KSR1: variants seen among roughly 807,000 people sequenced by gnomAD.
The protein encoded by KSR1 is kinase suppressor of ras 1.
In KSR1, 35 loss-of-function variants were observed where a neutral mutation model predicts 92.9. That is an observed-to-expected ratio of 0.38 (90% CI 0.29 to 0.50). The LOEUF is 0.50. Among genes scored for constraint, KSR1 ranks in the 20% least tolerant of loss-of-function variants. The pLI is 0.94. For missense variants in KSR1, 972 were observed against 1,158.5 expected, an observed-to-expected ratio of 0.84 and a Z score of 2.34; for synonymous variants, 467 against 472.6, an observed-to-expected ratio of 0.99 and a Z score of 0.15.
intron 14 of KSR1, among the ~76,000 whole-genome samples, chr17:27,607,525 G>A (rs2073793098): frequency 6.6e-6 from 1 of 152,152 alleles, no homozygotes; most frequent in African/African-American, 2.4e-5. Flanking sequence ...TTGACAGTGA[G>A]CCCCAGAGCC....
At chr17:27,497,475 A>G (rs1468347030) in intron 1 of KSR1, among the ~76,000 whole-genome samples, 1 of 152,220 alleles carries the variant, frequency 6.6e-6, no homozygotes, top group African/African-American at 2.4e-5. Context: ...CAGTCCTTGA[A>G]TGGCCTCTAG....
chr17:27,588,260 G>A (rs989168290), intron 5 of KSR1: 2 of 368,670 alleles, frequency 5.4e-6, no homozygotes, highest in South Asian at 6.6e-5. Context: ...GAGGCCAGGA[G>A]CAAGCTAGAG....
At chr17:27,501,109 C>T (rs1162279544) in intron 1 of KSR1, among the ~76,000 whole-genome samples, 1 of 152,240 alleles carries the variant, frequency 6.6e-6, no homozygotes, top group Admixed American at 6.5e-5. Context: ...AAGGCCTGAG[C>T]CCTTCACTTT....
intron 1 of KSR1, among the ~76,000 whole-genome samples, chr17:27,489,884 C>T (rs931533234): frequency 1.3e-5 from 2 of 152,304 alleles, no homozygotes; most frequent in African/African-American, 2.4e-5. Flanking sequence ...GCTGCGTTCT[C>T]AAAAATGACA....
At position 27,473,443 on chromosome 17, in the gene KSR1, A is replaced by G. The variant is rs571768119; in HGVS notation, c.231+16569A>G. Among the ~76,000 whole-genome samples the G allele has an allele frequency of 3.3e-5, 5 of 152,330 alleles. No homozygotes were observed. The East Asian group carries it at 9.6e-4, about 29-fold the overall frequency. On this transcript the variant is annotated intron_variant, in intron 1 of 20. Transcript: ENST00000644974. ...TGGGGATCTGGATTAACAGGTGGCCATTCGCAGAAAGGAGGCTGCAAAGCA... is the reference window on the plus strand; with the variant it reads ...TGGGGATCTGGATTAACAGGTGGCCGTTCGCAGAAAGGAGGCTGCAAAGCA...
chr17:27,589,996 CTG>C (rs1350342164), intron 6 of KSR1, among the ~76,000 whole-genome samples: 1 of 152,182 alleles, frequency 6.6e-6, no homozygotes, highest in Non-Finnish European at 1.5e-5. Flanking sequence ...ATCCTATACT[CTG>C]TTTTTTCAAA....
At chr17:27,565,590 T>G (rs1305656990) in intron 2 of KSR1, among the ~76,000 whole-genome samples, 1 of 152,068 alleles carries the variant, frequency 6.6e-6, no homozygotes, top group Non-Finnish European at 1.5e-5. Flanking sequence ...AGCAGGCTAA[T>G]TTTTTTGTAT....
intron 1 of KSR1, among the ~76,000 whole-genome samples, chr17:27,530,003 C>T (rs576929078): frequency 9.9e-5 from 15 of 152,248 alleles, no homozygotes; most frequent in Middle Eastern, 3.4e-3. Context: ...AGTGGGTACT[C>T]GATACTCTTG....
intron 1 of KSR1, among the ~76,000 whole-genome samples, chr17:27,546,894 A>G (rs1288188460): frequency 6.6e-6 from 1 of 152,032 alleles, no homozygotes; most frequent in Admixed American, 6.5e-5. Flanking sequence ...CAGCAAGTAG[A>G]CTCAGAGTCC....
chr17:27,600,605 T>C (rs927980874), intron 10 of KSR1, among the ~76,000 whole-genome samples: 3 of 152,216 alleles, frequency 2.0e-5, no homozygotes, highest in Non-Finnish European at 4.4e-5. Flanking sequence ...CCGTGGATTA[T>C]TTCCCGCCAG....
Position 27,582,809 on chromosome 17 carries a change from C to A in KSR1, c.684C>A (p.Ile228=), listed in dbSNP as rs773403038. The A allele has an allele frequency of 7.3e-5, 117 of 1,613,520 alleles. No homozygotes were observed. Among genetic ancestry groups the A allele is most frequent in the Non-Finnish European group, 5.0e-5 (59 of 1,179,732 alleles). The change falls in exon 4 of 21, where the codon ATC becomes ATA. Residue 228 remains isoleucine, a synonymous_variant. Transcript: ENST00000644974. ...AGNSAQGPRS[I]SVSALPASDS... ...ACAGCGCCCAGGGCCCACGCTCCAT[C>A]TCCGTGTCAGCTCTGCCCGCCTCAG... is the stretch of plus-strand genomic sequence containing the variant.
chr17:27,526,070 C>CTCTTTCTTTCTTTCTT (rs1555576389), intron 1 of KSR1, among the ~76,000 whole-genome samples: 1,201 of 81,260 alleles, frequency 0.015, 34 homozygotes, highest in Non-Finnish European at 0.019. Flanking sequence ...CTCTTTCTTT[C>CTCTTTCTTTCTTTCTT]TCTTTCTTTC....
intron 18 of KSR1, 94 bp downstream of exon 18, chr17:27,611,723 G>A (rs1349404401): frequency 2.0e-6 from 3 of 1,475,510 alleles, no homozygotes; most frequent in Non-Finnish European, 2.8e-6. Flanking sequence ...TGAGAAATGG[G>A]GTCGGTGAGG....
chr17:27,474,109 CT>C (rs1217393438), intron 1 of KSR1, among the ~76,000 whole-genome samples: 2 of 152,226 alleles, frequency 1.3e-5, no homozygotes, highest in African/African-American at 4.8e-5. Flanking sequence ...TTTGACTATT[CT>C]TAGAAGAAGA....
intron 1 of KSR1, among the ~76,000 whole-genome samples, chr17:27,462,796 G>T (rs1286544625): frequency 6.6e-6 from 1 of 152,174 alleles, no homozygotes; most frequent in African/African-American, 2.4e-5. Flanking sequence ...GTTAATTCCA[G>T]TGCACATTTT....
intron 2 of KSR1, among the ~76,000 whole-genome samples, chr17:27,568,469 C>T (rs1180230667): frequency 1.3e-5 from 2 of 152,284 alleles, no homozygotes; most frequent in African/African-American, 4.8e-5. Flanking sequence ...AGGGCCCTCA[C>T]TGGCTGAATT....
chr17:27,541,130 G>A (rs1206676081), intron 1 of KSR1, among the ~76,000 whole-genome samples: 1 of 152,250 alleles, frequency 6.6e-6, no homozygotes, highest in African/African-American at 2.4e-5. Flanking sequence ...CTTGGCAGGA[G>A]CAAAGACTGC....
chr17:27,518,612 G>A (rs1212919605), intron 1 of KSR1, among the ~76,000 whole-genome samples: 2 of 152,162 alleles, frequency 1.3e-5, no homozygotes, highest in Middle Eastern at 3.2e-3. Context: ...TGCAATCTGG[G>A]TCGGTGGACA....
Position 27,559,614 on chromosome 17 carries a change from C to G in KSR1, c.372+8906C>G, listed in dbSNP as rs187739578. ...GCTGGGATGCTGAAGACACCTTCCT[C>G]TGCCCCAGGAGCACACAGACTGGGG... On this transcript the variant is annotated intron_variant, in intron 2 of 20. Transcript: ENST00000644974. This position sits in a 1 kb window ranked among gnomAD's most constrained non-coding sequence, Gnocchi z 4.2. Among the ~76,000 whole-genome samples the G allele has an allele frequency of 1.6e-3, 239 of 152,368 alleles. No homozygotes were observed. Among genetic ancestry groups the G allele is most frequent in the African/African-American group, 4.8e-3 (199 of 41,586 alleles).
Sources: allele counts gnomAD v4.1 joint callset (sites outside exome capture counted in the v4.1 genomes callset), GRCh38; gene constraint gnomAD v4.1.1; non-coding constraint Gnocchi (gnomAD v3.1); transcripts MANE v1.5; gene names NCBI Gene and HGNC (gene_info 2026-07-23, HGNC 2026-07-21).